Variants in PRPF40B observed in about 807,000 individuals in gnomAD.
PRPF40B encodes pre-mRNA-processing factor 40 homolog B.
In PRPF40B, 56 loss-of-function variants were observed where a neutral mutation model predicts 124.5. The observed-to-expected ratio is 0.45, with a 90% confidence interval of 0.36 to 0.56. PRPF40B has a LOEUF of 0.56. Among genes scored for constraint, PRPF40B ranks in the 20% least tolerant of loss-of-function variants. The probability of loss-of-function intolerance (pLI) is 0.00; values close to 1 mark genes in which losing one functional copy is unlikely to be tolerated. For synonymous variants in PRPF40B, 443 were observed against 426.4 expected, an observed-to-expected ratio of 1.04 and a Z score of -0.48; for missense variants, 1,053 against 1,169.5, an observed-to-expected ratio of 0.90 and a Z score of 1.45.
At chr12:49,640,506 G>A (rs1367658469) in intron 18 of PRPF40B, 5 of 152,386 alleles carry the variant, frequency 3.3e-5, no homozygotes, top group Non-Finnish European at 5.9e-5. Context: ...GGCGGCCTTG[G>A]ATTTGGCTAG....
intron 15 of PRPF40B, among the ~76,000 whole-genome samples, 157 bp downstream of exon 15, chr12:49,636,150 C>T (rs778686139): frequency 2.6e-5 from 4 of 152,136 alleles, no homozygotes; most frequent in African/African-American, 4.8e-5. Flanking sequence ...CTTTGGACTC[C>T]GGGGATACCA....
chr12:49,627,277 G>A (rs1592572914), intron 1 of PRPF40B, among the ~76,000 whole-genome samples: 1 of 152,156 alleles, frequency 6.6e-6, no homozygotes, highest in Non-Finnish European at 1.5e-5. Context: ...TTAATTGGCA[G>A]CATTTGTTTT....
At position 49,643,845 on chromosome 12, in the gene PRPF40B, C is replaced by T. The variant is rs1269184488; in HGVS notation, c.2443-16C>T. 5 of 1,614,122 alleles carry T rather than the reference C, an allele frequency of 3.1e-6. No individual in the cohort carries two copies. The highest frequency in any genetic ancestry group is 1.7e-5 in the Admixed American group (1 of 60,012). On this transcript the variant is annotated splice_polypyrimidine_tract_variant and intron_variant, in intron 24 of 25. Coordinates refer to ENST00000548825, the MANE Select transcript of PRPF40B (RefSeq NM_001031698.3). ...TATCCACAGGAACTGAGGAGGTGGG[C>T]TCTGGACTCTTACAGAATAGTCCTG...
Position 49,631,769 on chromosome 12 carries a change from G to C in PRPF40B, c.229-91G>C. 1 of 1,368,822 alleles carries C rather than the reference G, an allele frequency of 7.3e-7. No homozygotes were observed. Among genetic ancestry groups the C allele is most frequent in the Non-Finnish European group, 1.0e-6 (1 of 958,146 alleles). 84.8% of individuals were successfully genotyped at this position (1,368,822 alleles called of 1,614,324 possible). ...TGCCCAAGTGAGGGTCATGGCTCCA[G>C]TGAGATGTCTCAGGACCCTTTGAGG... is the stretch of plus-strand genomic sequence containing the variant. On this transcript the variant is annotated intron_variant, in intron 3 of 25. Transcript: ENST00000548825. This position sits in a 1 kb window ranked among gnomAD's most constrained non-coding sequence, Gnocchi z 4.3.
chr12:49,629,530 C>T (rs1238347594), intron 1 of PRPF40B, among the ~76,000 whole-genome samples: 4 of 152,118 alleles, frequency 2.6e-5, no homozygotes, highest in South Asian at 2.1e-4. Flanking sequence ...GTTCTTCGTT[C>T]GTTCAATATT....
intron 1 of PRPF40B, among the ~76,000 whole-genome samples, 183 bp from the exon 2 acceptor site, chr12:49,630,362 G>A (rs980620388): frequency 1.4e-4 from 21 of 152,222 alleles, no homozygotes; most frequent in African/African-American, 5.1e-4. Context: ...ACAAGAGAGA[G>A]CAAAAGCACA....
rs1316811483 is a variant in PRPF40B at position 49,642,554 on chromosome 12, G to C, written c.2023-26G>C. The stretch of plus-strand genomic sequence containing the variant: ...GGCCAGGCTGAGTGGGGCCTAGTCT[G>C]ATCAGCAGTGCTCTCCTCGTTCAAG... On this transcript the variant is annotated intron_variant, in intron 20 of 25. Transcript: ENST00000548825. The surrounding 1 kb of genome is among the most constrained non-coding windows in gnomAD (Gnocchi z 5.8). 6.2e-7 allele frequency: 1 copy of C among 1,613,028 alleles called. No homozygotes were observed. Among genetic ancestry groups the C allele is most frequent in the Non-Finnish European group, 8.5e-7 (1 of 1,179,096 alleles).
chr12:49,634,551 A>G lies in PRPF40B; in HGVS notation c.950A>G (p.Asn317Ser), dbSNP rs751232090. 1.1e-5 allele frequency: 18 copies of G among 1,614,192 alleles called. No individual in the cohort carries two copies. Among genetic ancestry groups the G allele is most frequent in the Middle Eastern group, 1.6e-4 (1 of 6,062 alleles). The change falls in exon 12 of 26, where the codon AAT (asparagine) becomes AGT (serine). Residue 317 changes from asparagine (N) to serine (S), a missense_variant. By Grantham distance (46) the Asn-to-Ser change is conservative. This residue lies in a region of PRPF40B where 895 missense variants were observed against 1,052.2 expected (regional missense o/e 0.85). Transcript: ENST00000548825. Reference sequence around the variant, plus strand: ...GCTTCATTCCAGGCTGTCCCCTCCAATGCCTCATGGGAACAGGCCATGAAG... The same window carrying G: ...GCTTCATTCCAGGCTGTCCCCTCCAGTGCCTCATGGGAACAGGCCATGAAG... ...ELLRDKAVPS[N>S]ASWEQAMKMV...
intron 18 of PRPF40B, chr12:49,640,440 G>A (rs1942466889): frequency 6.6e-6 from 1 of 152,210 alleles, no homozygotes; most frequent in Admixed American, 6.5e-5. Context: ...GGAGAGGGGA[G>A]TGTTGAAGAA....
At chr12:49,636,329 G>A (rs1364777329) in intron 15 of PRPF40B, among the ~76,000 whole-genome samples, 5 of 152,114 alleles carry the variant, frequency 3.3e-5, no homozygotes, top group South Asian at 2.1e-4. Flanking sequence ...GCCTTAATTG[G>A]TCACGTTACA....
chr12:49,640,314 G>A (rs1942440648), intron 18 of PRPF40B: 1 of 152,244 alleles, frequency 6.6e-6, no homozygotes, highest in Admixed American at 6.5e-5. Context: ...TGAAAATCAG[G>A]AGAGATGAAG....
chr12:49,644,292 C>T lies in PRPF40B; in HGVS notation c.*100C>T, dbSNP rs1943054900. On this transcript the variant is annotated 3_prime_UTR_variant, in exon 26 of 26. Transcript: ENST00000548825. ...CTTCTTCCTTAGTCTGGTCTGTGTC[C>T]ACTTTTTCTAAAGTAACCCCACCCC... 2.9e-6 allele frequency: 4 copies of T among 1,379,150 alleles called. No individual in the cohort carries two copies. Among genetic ancestry groups the T allele is most frequent in the South Asian group, 2.4e-5 (2 of 82,060 alleles). 85.4% of individuals were successfully genotyped at this position (1,379,150 alleles called of 1,614,324 possible).
chr12:49,623,553 G>T (rs1424130410), upstream of PRPF40B: 1 of 1,242,464 alleles, frequency 8.0e-7, no homozygotes, highest in Non-Finnish European at 1.0e-6. Flanking sequence ...CTTACTGGCG[G>T]GTGGGCTGAG....
chr12:49,634,931 C>T, intron 12 of PRPF40B, 168 bp from the exon 13 acceptor site: 3 of 747,146 alleles, frequency 4.0e-6, no homozygotes, highest in South Asian at 1.9e-5. Context: ...CATCTCTTCC[C>T]CTCACTTCCT....
chr12:49,623,920 G>A (rs995675579), intron 1 of PRPF40B: 34 of 1,134,164 alleles, frequency 3.0e-5, no homozygotes, highest in Non-Finnish European at 3.5e-5. Context: ...GAGATGAGGG[G>A]ACTGAGGGGA....
At chr12:49,624,851 A>AG (rs919889615) in intron 1 of PRPF40B, among the ~76,000 whole-genome samples, 1 of 152,048 alleles carries the variant, frequency 6.6e-6, no homozygotes, top group African/African-American at 2.4e-5. Flanking sequence ...GTCTCAAAAA[A>AG]AAAAAAAAAA....
rs1272187917 is a variant in PRPF40B at position 49,633,900 on chromosome 12, A to G, written c.620A>G (p.Gln207Arg). 1.2e-6 allele frequency: 2 copies of G among 1,614,050 alleles called. No homozygotes were observed. The highest frequency in any genetic ancestry group is 2.2e-5 in the South Asian group (2 of 91,078). ...CTCATCTGCAGGAAACAGCAGCAGC[A>G]GCTGCCACAGACACTTCAGCCACAG... is the stretch of plus-strand genomic sequence containing the variant. ...KQEAAGKQQQ[Q>R]LPQTLQPQPP... is the part of the protein sequence containing the mutation. Residue 207 changes from glutamine to arginine, a missense_variant, in exon 10 of 26, where the codon CAG becomes CGG. Gln to Arg is a conservative substitution (Grantham distance 43). Coordinates refer to ENST00000548825, the MANE Select transcript of PRPF40B (RefSeq NM_001031698.3).
rs1469311099 is a variant in PRPF40B, at chr12:49,642,944, C to T, written c.2133C>T (p.His711=). The part of the protein sequence containing the change: ...FLQVLETECQ[H]LHTKGRKHGR... ...GCCTCTAGCAGACTGAATGCCAGCA[C>T]CTCCACACCAAAGGCCGAAAGCATG... Residue 711 remains histidine (H), a synonymous_variant, in exon 22 of 26, where the codon CAC becomes CAT. Transcript: ENST00000548825. The surrounding 1 kb of genome is among the most constrained non-coding windows in gnomAD (Gnocchi z 5.8). The T allele has an allele frequency of 3.1e-6, 5 of 1,613,602 alleles. No individual in the cohort carries two copies. The highest frequency in any genetic ancestry group is 4.2e-6 in the Non-Finnish European group (5 of 1,179,744).
intron 1 of PRPF40B, among the ~76,000 whole-genome samples, chr12:49,628,502 C>G (rs1311868363): frequency 6.6e-6 from 1 of 151,798 alleles, no homozygotes; most frequent in Middle Eastern, 3.4e-3. Context: ...GTGATCTGCC[C>G]GCTTGGCCTC....
Sources: gnomAD v4.1 joint callset for allele counts (sites outside exome capture counted in the v4.1 genomes callset) on GRCh38, gnomAD v4.1.1 for gene constraint, gnomAD v4.1.1 regional missense constraint, Gnocchi (gnomAD v3.1) non-coding constraint, MANE v1.5 for transcripts, NCBI Gene and HGNC (gene_info 2026-07-23, HGNC 2026-07-21) for gene names.